CNBD1: variants seen among roughly 807,000 people sequenced by gnomAD.
CNBD1 encodes the protein cyclic nucleotide binding domain containing 1.
A neutral mutation model predicts 54.4 loss-of-function variants in CNBD1; 71 were observed. That is an observed-to-expected ratio of 1.30 (90% CI 1.08 to 1.59). CNBD1 has a LOEUF of 1.59. Ranked by LOEUF, CNBD1 falls within the 40% of genes most tolerant of loss-of-function variation. The pLI, the probability that CNBD1 is intolerant of heterozygous loss-of-function variation, is 0.00. For synonymous variants in CNBD1, 182 were observed against 170.7 expected, an observed-to-expected ratio of 1.07 and a Z score of -0.51; for missense variants, 659 against 518.0, an observed-to-expected ratio of 1.27 and a Z score of -2.64.
chr8:87,048,218 G>A (rs1011435691), intron 4 of CNBD1, among the ~76,000 whole-genome samples: 2 of 152,170 alleles, frequency 1.3e-5, no homozygotes, highest in Admixed American at 6.5e-5. Flanking sequence ...TTTCTTGGGG[G>A]TTCAGCTTCC....
chr8:87,215,461 G>A (rs539673700), intron 5 of CNBD1, among the ~76,000 whole-genome samples: 1 of 152,050 alleles, frequency 6.6e-6, no homozygotes, highest in Admixed American at 6.6e-5. Context: ...GGTGGCGGGT[G>A]CCTGTAGTCC....
chr8:87,372,184 T>C (rs190157842), intron 10 of CNBD1, among the ~76,000 whole-genome samples: 2 of 151,916 alleles, frequency 1.3e-5, no homozygotes, highest in African/African-American at 2.4e-5. Flanking sequence ...AGCATTCTTA[T>C]ACACCAATAA....
intron 1 of CNBD1, among the ~76,000 whole-genome samples, chr8:86,875,737 A>C (rs991495113): frequency 2.0e-4 from 30 of 152,240 alleles, no homozygotes; most frequent in African/African-American, 7.0e-4. Flanking sequence ...TCTACTTACC[A>C]GCTTAAAAAA....
At chr8:87,154,610 AG>A (rs1236898073) in intron 4 of CNBD1, among the ~76,000 whole-genome samples, 2 of 152,226 alleles carry the variant, frequency 1.3e-5, no homozygotes, top group African/African-American at 4.8e-5. Flanking sequence ...AAATATCCAC[AG>A]TGGGGAGTGC....
At chr8:87,417,111 T>G (rs1807851455) in intron 2 of CNBD1, among the ~76,000 whole-genome samples, 1 of 151,988 alleles carries the variant, frequency 6.6e-6, no homozygotes, top group South Asian at 2.1e-4. Flanking sequence ...AGACATAATT[T>G]ATAAAGAAAA....
chr8:87,320,048 G>C (rs576440659), intron 8 of CNBD1, among the ~76,000 whole-genome samples: 1 of 152,132 alleles, frequency 6.6e-6, no homozygotes, highest in East Asian at 1.9e-4. Context: ...ATCAAGTACA[G>C]ACTTCACACC....
At chr8:87,361,874 C>T (rs560832787) in intron 10 of CNBD1, among the ~76,000 whole-genome samples, 1 of 151,736 alleles carries the variant, frequency 6.6e-6, no homozygotes, top group African/African-American at 2.4e-5. Flanking sequence ...TCCTTGAATT[C>T]TTGAAAAAGA....
At chr8:87,356,202 G>T (rs1379841547) in intron 10 of CNBD1, among the ~76,000 whole-genome samples, 2 of 152,130 alleles carry the variant, frequency 1.3e-5, no homozygotes, top group East Asian at 3.9e-4. Context: ...TACAGACGTG[G>T]GGTGTTGCTA....
At chr8:87,399,192 T>C (rs1811457856) in intron 2 of CNBD1, among the ~76,000 whole-genome samples, 1 of 152,076 alleles carries the variant, frequency 6.6e-6, no homozygotes, top group African/African-American at 2.4e-5. Context: ...TTTGTTACTA[T>C]TGATTTGTTT....
In CNBD1 at chr8:86,939,591, T is replaced by A; in HGVS notation, c.273-5T>A. ...CAGCATAAAATACTATATTTTCTTG[T>A]TCAGGGAACTCAATGAAGGCAAAGA... On this transcript the variant is annotated splice_polypyrimidine_tract_variant and splice_region_variant and intron_variant, in intron 3 of 10. Transcript: ENST00000518476. 1 of 1,570,330 alleles carries A rather than the reference T, an allele frequency of 6.4e-7. No homozygotes were observed.
intron 6 of CNBD1, among the ~76,000 whole-genome samples, chr8:87,262,929 A>G (rs1808172470): frequency 6.6e-6 from 1 of 152,180 alleles, no homozygotes; most frequent in African/African-American, 2.4e-5. Context: ...GGGAATGGGT[A>G]GAAATGCATC....
At chr8:86,945,884 G>A (rs2130437388) in intron 4 of CNBD1, among the ~76,000 whole-genome samples, 1 of 152,276 alleles carries the variant, frequency 6.6e-6, no homozygotes, top group East Asian at 1.9e-4. Flanking sequence ...TCTGTCTGCG[G>A]CAGCTAGATT....
At chr8:87,410,935 T>C (rs769556008) in intron 2 of CNBD1, among the ~76,000 whole-genome samples, 1 of 150,822 alleles carries the variant, frequency 6.6e-6, no homozygotes, top group Non-Finnish European at 1.5e-5. Flanking sequence ...TAGCATTTTT[T>C]TAGCAAGAAA....
At chr8:87,098,810 G>C (rs1811368679) in intron 4 of CNBD1, among the ~76,000 whole-genome samples, 1 of 151,204 alleles carries the variant, frequency 6.6e-6, no homozygotes, top group African/African-American at 2.4e-5. Flanking sequence ...GGCCGAGGCG[G>C]GTGGATCATG....
chr8:87,367,536 A>T (rs954495432), intron 10 of CNBD1, among the ~76,000 whole-genome samples: 12 of 148,326 alleles, frequency 8.1e-5, no homozygotes, highest in African/African-American at 1.1e-4. Flanking sequence ...CACATCTATT[A>T]AAAAAATTGG....
intron 2 of CNBD1, among the ~76,000 whole-genome samples, chr8:87,388,612 G>A (rs980090656): frequency 1.3e-5 from 2 of 152,088 alleles, no homozygotes; most frequent in African/African-American, 2.4e-5. Flanking sequence ...ACAATTAATA[G>A]CTTACCAACC....
At chr8:87,025,246 G>A (rs780747293) in intron 4 of CNBD1, among the ~76,000 whole-genome samples, 16 of 152,146 alleles carry the variant, frequency 1.1e-4, no homozygotes, top group Non-Finnish European at 2.9e-5. Flanking sequence ...CAATCCCCAG[G>A]ATGTGGGTGG....
intron 8 of CNBD1, among the ~76,000 whole-genome samples, chr8:87,298,488 CTT>C (rs11414234): frequency 7.2e-5 from 10 of 139,768 alleles, no homozygotes; most frequent in African/African-American, 8.0e-5. Context: ...TTTTTTCCCT[CTT>C]TTTTTTTTTT....
In CNBD1 at chr8:87,379,297, C is replaced by A. The variant is rs554053499; in HGVS notation, c.1304-3323C>A. Among the ~76,000 whole-genome samples the A allele has an allele frequency of 2.6e-5, 4 of 151,978 alleles. No individual in the cohort carries two copies. In the East Asian group the frequency reaches 7.8e-4, roughly 29 times the overall value. ...ATTAATAATGGGAGACTTTAACACC[C>A]CACTGTCAACATTAGACAGATCAAC... is the stretch of plus-strand genomic sequence containing the variant. On this transcript the variant is annotated intron_variant, in intron 10 of 10. Coordinates refer to ENST00000518476, the MANE Select transcript of CNBD1 (RefSeq NM_173538.3).
Sources: allele counts gnomAD v4.1 joint callset (sites outside exome capture counted in the v4.1 genomes callset), GRCh38; gene constraint gnomAD v4.1.1; transcripts MANE v1.5; gene names NCBI Gene and HGNC (gene_info 2026-07-23, HGNC 2026-07-21).